The following RFC1 variants were observed in gnomAD, a reference collection of about 807,000 sequenced individuals.
RFC1 encodes replication factor C subunit 1.
In RFC1, 37 loss-of-function variants were observed where a neutral mutation model predicts 137.4. The ratio of observed to expected loss-of-function variants is 0.27; its 90% CI spans 0.21 to 0.35. The LOEUF is 0.35. Among genes scored for constraint, RFC1 ranks in the 10% least tolerant of loss-of-function variants. The pLI, the probability that RFC1 is intolerant of heterozygous loss-of-function variation, is 1.00. For synonymous variants in RFC1, 429 were observed against 455.7 expected (o/e 0.94, Z 0.75); for missense variants, 1,205 against 1,358.5 (o/e 0.89, Z 1.78).
chr4:39,351,279 A>C lies in RFC1; in HGVS notation c.132+69T>G, dbSNP rs983402149. The C allele has an allele frequency of 1.8e-4, 98 of 532,950 alleles. 3 individuals carry two copies. Among genetic ancestry groups the C allele is most frequent in the Non-Finnish European group, 2.0e-4 (72 of 364,692 alleles). The allele number at this position is 532,950 out of a possible 1,614,324, so 33.0% of individuals were successfully genotyped here. A position where few individuals can be genotyped will look rare whatever the true frequency, so the allele number is the denominator to read the frequency against. On this transcript the variant is annotated intron_variant, in intron 2 of 24. Transcript: ENST00000349703. ...AAAAAAAAAAAAAAAAAAAAAAAAA[A>C]AAAAAACTTATAAGAACTGAGTTTA...
intron 2 of RFC1, among the ~76,000 whole-genome samples, chr4:39,349,998 C>A (rs567831510): frequency 2.0e-5 from 3 of 151,984 alleles, no homozygotes; most frequent in Non-Finnish European, 2.9e-5. Flanking sequence ...GAGCAAAACT[C>A]CATCTCAAAA....
intron 21 of RFC1, among the ~76,000 whole-genome samples, chr4:39,298,260 A>G (rs933197401): frequency 2.0e-5 from 3 of 146,852 alleles, no homozygotes; most frequent in African/African-American, 7.4e-5. Context: ...GTGAGCCATG[A>G]TCACACCATT....
chr4:39,301,963 T>C lies in RFC1; in HGVS notation c.2535+315A>G, dbSNP rs17288524. The stretch of plus-strand genomic sequence containing the variant: ...CTAAACCATTTGACATGGATTATTC[T>C]GAACAGTGCAAAACCATTCCAAACA... On this transcript the variant is annotated intron_variant, in intron 19 of 24. Transcript: ENST00000349703. 3.2e-3 allele frequency among the ~76,000 whole-genome samples: 487 copies of C among 152,362 alleles called. 5 individuals carry two copies. In the Middle Eastern group the frequency reaches 0.037, roughly 12 times the overall value.
Position 39,311,548 on chromosome 4 carries a change from G to T in RFC1, c.1385C>A (p.Ala462Asp), listed in dbSNP as rs1374223058. The T allele has an allele frequency of 6.2e-7, 1 of 1,612,524 alleles. No homozygotes were observed. Among genetic ancestry groups the T allele is most frequent in the Admixed American group, 1.7e-5 (1 of 59,934 alleles). Residue 462 changes from alanine to aspartate, a missense_variant and splice_region_variant, in exon 12 of 25, where the codon GCC becomes GAC. Coordinates refer to ENST00000349703, the MANE Select transcript of RFC1 (RefSeq NM_002913.5). ...RDSGQSKSDK[A>D]AALGTKIIDE... ...AATAATTTTTGTCCCCAAGGCTGCG[G>T]CCTGTTGATTAAAAATGTAAACCAT...
intron 4 of RFC1, chr4:39,341,621 C>T (rs1560615470): frequency 2.2e-6 from 1 of 456,230 alleles, no homozygotes; most frequent in Non-Finnish European, 4.4e-6. Flanking sequence ...CTGGGTCTGG[C>T]CCTTTCACGT....
At chr4:39,329,105 ATTTG>A (rs1185287200) in intron 4 of RFC1, among the ~76,000 whole-genome samples, 1 of 104,288 alleles carries the variant, frequency 9.6e-6, no homozygotes, top group Non-Finnish European at 1.8e-5. Flanking sequence ...GCCTCAATAA[ATTTG>A]TTTGCTTCAG....
intron 2 of RFC1, among the ~76,000 whole-genome samples, chr4:39,348,439 G>GA (rs1325305628): frequency 2.4e-4 from 26 of 107,516 alleles, no homozygotes; most frequent in Non-Finnish European, 3.3e-4. Flanking sequence ...GAAAAGAAAA[G>GA]AAAAGAAAAG....
chr4:39,308,943 A>G lies in RFC1; in HGVS notation c.1578T>C (p.Ser526=). ...KISPSKKESE[S]KKSRPTSKRD... ...TTTTGGAAGTCGGCCTGCTCTTTTT[A>G]GATTCTGATTCCTTTTTAGATGGAC... The change falls in exon 13 of 25, where the codon TCT becomes TCC. Residue 526 remains serine, a synonymous_variant. Coordinates refer to ENST00000349703, the MANE Select transcript of RFC1 (RefSeq NM_002913.5). 6.2e-7 allele frequency: 1 copy of G among 1,614,020 alleles called. No individual in the cohort carries two copies. The highest frequency in any genetic ancestry group is 8.5e-7 in the Non-Finnish European group (1 of 1,180,014).
At chr4:39,344,287 T>C (rs933322411) in intron 3 of RFC1, among the ~76,000 whole-genome samples, 3 of 152,228 alleles carry the variant, frequency 2.0e-5, no homozygotes, top group Non-Finnish European at 4.4e-5. Flanking sequence ...TTTAAAATTA[T>C]GTTCAAAGAA....
At chr4:39,354,586 A>C in intron 1 of RFC1, among the ~76,000 whole-genome samples, 1 of 152,198 alleles carries the variant, frequency 6.6e-6, no homozygotes, top group East Asian at 1.9e-4. Flanking sequence ...AGAAAGGCAG[A>C]TTTTACTACA....
chr4:39,303,607 C>G (rs553818713), intron 15 of RFC1, among the ~76,000 whole-genome samples: 1 of 152,278 alleles, frequency 6.6e-6, no homozygotes, highest in African/African-American at 2.4e-5. Flanking sequence ...GCGCACGCCA[C>G]CACACCCAGC....
In RFC1 at chr4:39,306,575, T is replaced by C. The variant is rs201925796; in HGVS notation, c.1995+17A>G. 5.1e-4 allele frequency: 728 copies of C among 1,441,382 alleles called. 3 individuals are homozygous for C. Among genetic ancestry groups the C allele is most frequent in the Admixed American group, 6.9e-4 (41 of 59,662 alleles). 89.3% of individuals were successfully genotyped at this position (1,441,382 alleles called of 1,614,324 possible). Reference sequence around the variant, plus strand: ...CTCGAGGTTATCTGTCCGACCACACTGTGACAACGCACCCACCTGACACAC... The same window carrying C: ...CTCGAGGTTATCTGTCCGACCACACCGTGACAACGCACCCACCTGACACAC... On this transcript the variant is annotated intron_variant, in intron 14 of 24. Transcript: ENST00000349703.
At chr4:39,304,769 T>C (rs1194084402) in intron 15 of RFC1, 45 bp downstream of exon 15, 2 of 1,069,348 alleles carry the variant, frequency 1.9e-6, no homozygotes, top group Non-Finnish European at 1.5e-6. Context: ...GAAATGAACA[T>C]ATTTTTCTTA....
chr4:39,316,939 A>G lies in RFC1; in HGVS notation c.1179T>C (p.Ala393=). 6.2e-7 allele frequency: 1 copy of G among 1,613,728 alleles called. No homozygotes were observed. The highest frequency in any genetic ancestry group is 8.5e-7 in the Non-Finnish European group (1 of 1,179,678). ...RSYLNREGPK[A]LGSKEIPKGA... is the part of the protein sequence containing the mutation. The stretch of plus-strand genomic sequence containing the variant: ...CCTTTGGTATTTCTTTGGAGCCCAG[A>G]GCCTTGGGACCTTCTCGATTTAAGT... The change falls in exon 10 of 25, where the codon GCT becomes GCC. Residue 393 remains alanine (A), a synonymous_variant. Coordinates refer to ENST00000349703, the MANE Select transcript of RFC1 (RefSeq NM_002913.5).
rs1560583768 is a variant in RFC1, at chr4:39,288,799, CCTTAT to C, written c.3401_3405del (p.Asp1134GlyfsTer47). The C allele has an allele frequency of 4.3e-6, 7 of 1,612,146 alleles. No homozygotes were observed. The highest frequency in any genetic ancestry group is 2.2e-5 in the South Asian group (2 of 90,878). On this transcript the variant is annotated frameshift_variant, in exon 25 of 25. Coordinates refer to ENST00000349703, the MANE Select transcript of RFC1 (RefSeq NM_002913.5). LOFTEE classifies it high-confidence loss of function. ...CTTTTTCCTTTTCCTTTTCTGGGCT[CCTTAT>C]CTTTTTCTGGTTTTGAAGGCTTTGA...
At chr4:39,300,214 C>G (rs996706601) in intron 20 of RFC1, 46 bp downstream of exon 20, 15 of 1,612,266 alleles carry the variant, frequency 9.3e-6, no homozygotes, top group Non-Finnish European at 1.3e-5. Context: ...TTAGCCTTCG[C>G]AGTGCTGGAT....
intron 10 of RFC1, 30 bp downstream of exon 10, chr4:39,316,885 C>T (rs1354273561): frequency 2.1e-6 from 3 of 1,421,838 alleles, no homozygotes; most frequent in Non-Finnish European, 3.0e-6. Context: ...GAGGCCCTCA[C>T]AGAATGGCAT....
intron 1 of RFC1, among the ~76,000 whole-genome samples, chr4:39,352,391 A>C (rs1578169354): frequency 6.6e-6 from 1 of 152,372 alleles, no homozygotes; most frequent in East Asian, 1.9e-4. Context: ...ATCACACTGA[A>C]ACATTTACAA....
At position 39,302,682 on chromosome 4, in the gene RFC1, T is replaced by C. The variant is rs1295039058; in HGVS notation, c.2340+55A>G. Reference sequence around the variant, plus strand: ...AATATTTATCAGGTACTTTTAAAAATTGACCCTTAAATAAATAGGCTAGTG... The same window carrying C: ...AATATTTATCAGGTACTTTTAAAAACTGACCCTTAAATAAATAGGCTAGTG... On this transcript the variant is annotated intron_variant, in intron 17 of 24. Transcript: ENST00000349703. The C allele has an allele frequency of 1.9e-5, 29 of 1,519,398 alleles. No homozygotes were observed. In the Middle Eastern group the frequency reaches 7.0e-4, roughly 37 times the overall value. 94.1% of individuals were successfully genotyped at this position (1,519,398 alleles called of 1,614,324 possible).
Sources: allele counts gnomAD v4.1 joint callset (sites outside exome capture counted in the v4.1 genomes callset), GRCh38; gene constraint gnomAD v4.1.1; transcripts MANE v1.5; gene names NCBI Gene and HGNC (gene_info 2026-07-23, HGNC 2026-07-21).